ZNF804B: variants seen among roughly 807,000 people sequenced by gnomAD.
The protein encoded by ZNF804B is zinc finger protein 804B, also known as zinc finger 804B.
ZNF804B carries 80 observed loss-of-function variants against 101.4 expected under a neutral mutation model. The ratio of observed to expected loss-of-function variants is 0.79; its 90% confidence interval spans 0.66 to 0.95. The LOEUF (loss-of-function observed/expected upper bound fraction) is 0.95, where lower values mean the gene tolerates loss of function less well. ZNF804B is among the 40% of genes least tolerant of loss of function. The pLI, the probability that ZNF804B is intolerant of heterozygous loss-of-function variation, is 0.00. For synonymous variants in ZNF804B, 622 were observed against 558.8 expected (o/e 1.11, Z -1.59); for missense variants, 1,673 against 1,561.9 (o/e 1.07, Z -1.20).
In ZNF804B at chr7:88,851,663, G is replaced by A. The variant is rs143535764; in HGVS notation, c.108+91579G>A. Among the ~76,000 whole-genome samples the A allele has an allele frequency of 5.7e-3, 868 of 152,046 alleles. 7 individuals carry two copies. The highest frequency in any genetic ancestry group is 0.02 in the African/African-American group (819 of 41,500). On this transcript the variant is annotated intron_variant, in intron 1 of 3. Coordinates refer to ENST00000333190, the MANE Select transcript of ZNF804B (RefSeq NM_181646.5). ...AAGTAGAAACAAAACATTACCACAT[G>A]GAAATATGGTTCTACAGGAAGAAAT...
chr7:89,250,703 G>T (rs896341182), intron 2 of ZNF804B, among the ~76,000 whole-genome samples: 1 of 152,114 alleles, frequency 6.6e-6, no homozygotes, highest in Non-Finnish European at 1.5e-5. Context: ...CAAAATACTA[G>T]CACAGTGAAT....
At chr7:89,200,854 C>A (rs1788621559) in intron 1 of ZNF804B, among the ~76,000 whole-genome samples, 1 of 151,984 alleles carries the variant, frequency 6.6e-6, no homozygotes, top group Non-Finnish European at 1.5e-5. Flanking sequence ...TTTTGCCCAC[C>A]TGAGGCATCT....
chr7:89,238,643 G>T (rs1340857061), intron 2 of ZNF804B, among the ~76,000 whole-genome samples: 1 of 152,202 alleles, frequency 6.6e-6, no homozygotes, highest in African/African-American at 2.4e-5. Context: ...AAACTGAACA[G>T]AAATATTGCC....
chr7:89,240,119 G>A (rs891594123), intron 2 of ZNF804B, among the ~76,000 whole-genome samples: 4 of 151,004 alleles, frequency 2.6e-5, no homozygotes, highest in African/African-American at 9.9e-5. Context: ...AGAGAAGCAT[G>A]ATTTATTTTT....
At chr7:88,788,322 C>T (rs181953669) in intron 1 of ZNF804B, among the ~76,000 whole-genome samples, 1 of 152,256 alleles carries the variant, frequency 6.6e-6, no homozygotes, top group East Asian at 1.9e-4. Flanking sequence ...CCTCTTGCTT[C>T]CAGTACTCTG....
chr7:88,788,384 C>T (rs1284189441), intron 1 of ZNF804B, among the ~76,000 whole-genome samples: 1 of 152,112 alleles, frequency 6.6e-6, no homozygotes, highest in Non-Finnish European at 1.5e-5. Context: ...GCTCCTCCCC[C>T]AGAGCCTTTA....
intron 1 of ZNF804B, among the ~76,000 whole-genome samples, chr7:88,979,256 ATT>A (rs1227057613): frequency 2.0e-5 from 3 of 151,974 alleles, no homozygotes; most frequent in Non-Finnish European, 4.4e-5. Context: ...TTTTCTTTGT[ATT>A]TAATATCATC....
intron 1 of ZNF804B, among the ~76,000 whole-genome samples, chr7:88,971,276 T>A (rs936519104): frequency 1.3e-5 from 2 of 151,678 alleles, no homozygotes; most frequent in African/African-American, 4.8e-5. Flanking sequence ...CATTGCTGCA[T>A]ACTATATAAG....
At chr7:88,845,110 G>T (rs1291979080) in intron 1 of ZNF804B, among the ~76,000 whole-genome samples, 1 of 152,114 alleles carries the variant, frequency 6.6e-6, no homozygotes, top group Non-Finnish European at 1.5e-5. Flanking sequence ...CTTTAATAAG[G>T]CAAGGGGTGG....
At chr7:88,784,095 T>C (rs1790266379) in intron 1 of ZNF804B, among the ~76,000 whole-genome samples, 1 of 152,174 alleles carries the variant, frequency 6.6e-6, no homozygotes, top group Admixed American at 6.6e-5. Flanking sequence ...CTTGCTAGCA[T>C]GCCCTAACTG....
chr7:89,101,796 G>A lies in ZNF804B; in HGVS notation c.109-116359G>A, dbSNP rs115396066. ...TAATGGTAGGGATTGGGCTTTTAGTGTACACATTATTTAAGTGTTGGATAT... is the reference window on the plus strand; with the variant it reads ...TAATGGTAGGGATTGGGCTTTTAGTATACACATTATTTAAGTGTTGGATAT... On this transcript the variant is annotated intron_variant, in intron 1 of 3. Coordinates refer to ENST00000333190, the MANE Select transcript of ZNF804B (RefSeq NM_181646.5). 9.1e-3 allele frequency among the ~76,000 whole-genome samples: 1,389 copies of A among 151,948 alleles called. 21 individuals are homozygous for A. Among genetic ancestry groups the A allele is most frequent in the African/African-American group, 0.031 (1,305 of 41,490 alleles).
chr7:89,220,066 C>T lies in ZNF804B; in HGVS notation c.249+1771C>T, dbSNP rs141702388. On this transcript the variant is annotated intron_variant, in intron 2 of 3. Coordinates refer to ENST00000333190, the MANE Select transcript of ZNF804B (RefSeq NM_181646.5). ...ATGTGCATATATACATATATACGCA[C>T]ATATATGTGTATATACATATATATA... Among the ~76,000 whole-genome samples, 464 of 93,914 alleles carry T rather than the reference C, an allele frequency of 4.9e-3. 160 individuals are homozygous for T. The highest frequency in any genetic ancestry group is 0.02 in the African/African-American group (414 of 20,946). The allele number at this position is 93,914 out of a possible 152,430, so 61.6% of individuals were successfully genotyped here.
intron 2 of ZNF804B, among the ~76,000 whole-genome samples, chr7:89,272,261 A>G (rs370969019): frequency 6.6e-5 from 10 of 152,134 alleles, no homozygotes; most frequent in African/African-American, 2.4e-4. Context: ...AGCACATAGC[A>G]AATGGTCAAT....
chr7:88,938,693 G>A (rs1298157733), intron 1 of ZNF804B, among the ~76,000 whole-genome samples: 2 of 151,976 alleles, frequency 1.3e-5, no homozygotes, highest in African/African-American at 2.4e-5. Context: ...AAAAGTGGAA[G>A]TCTCATCAGC....
intron 2 of ZNF804B, among the ~76,000 whole-genome samples, chr7:89,244,904 A>G (rs1789421201): frequency 6.6e-6 from 1 of 152,190 alleles, no homozygotes; most frequent in South Asian, 2.1e-4. Context: ...GATGTGAACA[A>G]TCTCAAATTT....
At chr7:89,265,690 A>G (rs972738556) in intron 2 of ZNF804B, among the ~76,000 whole-genome samples, 3 of 152,234 alleles carry the variant, frequency 2.0e-5, no homozygotes, top group Non-Finnish European at 2.9e-5. Context: ...AACAATAACA[A>G]TTATTCAAAA....
chr7:89,214,080 T>C (rs7795041), intron 1 of ZNF804B, among the ~76,000 whole-genome samples: 108,219 of 152,102 alleles, frequency 0.71, 39,168 homozygotes, highest in African/African-American at 0.77. Flanking sequence ...TCTCTCCTTG[T>C]ACCCAAAACA....
intron 1 of ZNF804B, among the ~76,000 whole-genome samples, chr7:88,996,666 A>G (rs1471983469): frequency 6.6e-6 from 1 of 152,152 alleles, no homozygotes; most frequent in Non-Finnish European, 1.5e-5. Context: ...AAGAGTGATT[A>G]TCACATGCTG....
intron 1 of ZNF804B, among the ~76,000 whole-genome samples, chr7:88,786,822 A>G (rs952877337): frequency 2.0e-5 from 3 of 152,172 alleles, no homozygotes; most frequent in African/African-American, 7.2e-5. Flanking sequence ...TGATAAAAGT[A>G]AAATTAACCT....
Sources: gnomAD v4.1 joint callset for allele counts (sites outside exome capture counted in the v4.1 genomes callset) on GRCh38, gnomAD v4.1.1 for gene constraint, MANE v1.5 for transcripts, NCBI Gene and HGNC (gene_info 2026-07-23, HGNC 2026-07-21) for gene names.